IKBKB: variants seen among roughly 807,000 people sequenced by gnomAD.
IKBKB encodes the protein inhibitor of nuclear factor kappa B kinase subunit beta.
IKBKB carries 42 observed loss-of-function variants against 113.6 expected under a neutral mutation model. The ratio of observed to expected loss-of-function variants is 0.37; its 90% CI spans 0.29 to 0.48. IKBKB has a LOEUF of 0.48. IKBKB is among the 20% of genes least tolerant of loss of function. The probability of loss-of-function intolerance (pLI) is 0.99; values close to 1 mark genes in which losing one functional copy is unlikely to be tolerated. For missense variants in IKBKB, 673 were observed against 939.7 expected, an observed-to-expected ratio of 0.72 and a Z score of 3.71; for synonymous variants, 296 against 361.3, an observed-to-expected ratio of 0.82 and a Z score of 2.05.
intron 19 of IKBKB, 135 bp from the exon 20 acceptor site, chr8:42,325,835 G>A: frequency 6.7e-7 from 1 of 1,492,072 alleles, no homozygotes; most frequent in South Asian, 1.4e-5. Context: ...GCAGGTGGGG[G>A]TGCCAACTGG....
chr8:42,314,162 G>A, intron 8 of IKBKB, 160 bp from the exon 9 acceptor site: 1 of 647,126 alleles, frequency 1.5e-6, no homozygotes, highest in Admixed American at 2.3e-5. Context: ...TAGCCTAGGA[G>A]CAATAGGGTG....
chr8:42,292,715 A>G (rs1001868193), intron 4 of IKBKB, among the ~76,000 whole-genome samples: 1 of 152,174 alleles, frequency 6.6e-6, no homozygotes, highest in Non-Finnish European at 1.5e-5. Context: ...AGCAGCACAC[A>G]GAGCCTCTTG....
At chr8:42,280,092 C>G (rs1007912231) in intron 2 of IKBKB, among the ~76,000 whole-genome samples, 8 of 152,212 alleles carry the variant, frequency 5.3e-5, no homozygotes, top group African/African-American at 1.9e-4. Context: ...AAGCAGTCCT[C>G]CTGCCTTGGC....
rs200076532 is a variant in IKBKB at position 42,317,823 on chromosome 8, G to A, written c.1240+52G>A. On this transcript the variant is annotated intron_variant, in intron 12 of 21. Coordinates refer to ENST00000520810, the MANE Select transcript of IKBKB (RefSeq NM_001556.3). The stretch of plus-strand genomic sequence containing the variant: ...CTAAATAATCCGTTATAATATGTGG[G>A]ACAAGGCAGGGAAGGGAGACTGGAC... The A allele has an allele frequency of 2.3e-4, 307 of 1,324,712 alleles. 2 individuals carry two copies. Among genetic ancestry groups the A allele is most frequent in the Middle Eastern group, 1.8e-4 (1 of 5,524 alleles). The allele number at this position is 1,324,712 out of a possible 1,614,324, so 82.1% of individuals were successfully genotyped here. A position where few individuals can be genotyped will look rare whatever the true frequency, so the allele number is the denominator to read the frequency against.
intron 2 of IKBKB, among the ~76,000 whole-genome samples, chr8:42,278,887 A>C (rs1386436083): frequency 1.3e-5 from 2 of 152,108 alleles, no homozygotes; most frequent in Admixed American, 6.6e-5. Flanking sequence ...CCAACTACTC[A>C]GGAGGCTGAG....
At chr8:42,330,058 G>A (rs1396868112) in intron 21 of IKBKB, 1 of 985,258 alleles carries the variant, frequency 1.0e-6, no homozygotes, top group Non-Finnish European at 1.2e-6. Flanking sequence ...TCAGTTCATT[G>A]CTTACTTGCA....
chr8:42,292,886 G>A (rs550081721), intron 4 of IKBKB, among the ~76,000 whole-genome samples: 219 of 152,282 alleles, frequency 1.4e-3, no homozygotes, highest in African/African-American at 4.7e-3. Context: ...GATTCCACCC[G>A]TACTTACTCA....
chr8:42,307,606 G>A (rs897686632), intron 7 of IKBKB, among the ~76,000 whole-genome samples: 8 of 152,168 alleles, frequency 5.3e-5, no homozygotes, highest in African/African-American at 7.2e-5. Context: ...ACAATTGGGA[G>A]TGACTCAAGG....
rs1027255460 is a variant in IKBKB, at chr8:42,309,033, G to T, written c.692+8G>T. The stretch of plus-strand genomic sequence containing the variant: ...CTGGCAGCCCGTGCAGTGGTGAGTG[G>T]GCCCGGGGCACCTGGATGGAGGAGG... On this transcript the variant is annotated splice_region_variant and intron_variant, in intron 8 of 21. Coordinates refer to ENST00000520810, the MANE Select transcript of IKBKB (RefSeq NM_001556.3). 2.5e-6 allele frequency: 4 copies of T among 1,612,236 alleles called. No homozygotes were observed. Among genetic ancestry groups the T allele is most frequent in the Non-Finnish European group, 3.4e-6 (4 of 1,179,064 alleles).
chr8:42,332,175 T>G lies in IKBKB; in HGVS notation c.*1196T>G, dbSNP rs1821745602. The stretch of plus-strand genomic sequence containing the variant: ...GGAGAAGAAAGTTGGAGTAGGAGAC[T>G]TTCACAAGTGGTTTCCATGGAGATA... On this transcript the variant is annotated 3_prime_UTR_variant, in exon 22 of 22. Transcript: ENST00000520810. 6.6e-6 allele frequency: 1 copy of G among 152,274 alleles called. No homozygotes were observed. The highest frequency in any genetic ancestry group is 1.5e-5 in the Non-Finnish European group (1 of 68,090). 9.4% of individuals were successfully genotyped at this position (152,274 alleles called of 1,614,324 possible). A position where few individuals can be genotyped will look rare whatever the true frequency, so the allele number is the denominator to read the frequency against.
intron 19 of IKBKB, among the ~76,000 whole-genome samples, chr8:42,323,072 T>G (rs1394034371): frequency 6.6e-6 from 1 of 152,202 alleles, no homozygotes; most frequent in Non-Finnish European, 1.5e-5. Flanking sequence ...GTGACTCCAG[T>G]CTCTGTCTCT....
intron 2 of IKBKB, among the ~76,000 whole-genome samples, chr8:42,281,444 C>T (rs148003465): frequency 0.019 from 2,898 of 152,274 alleles, 47 homozygotes; most frequent in Non-Finnish European, 0.03. Context: ...CTTTACCAGG[C>T]GGTGGGGGAG....
chr8:42,277,033 A>AT (rs1341745427), intron 2 of IKBKB, among the ~76,000 whole-genome samples: 64 of 139,900 alleles, frequency 4.6e-4, no homozygotes, highest in African/African-American at 1.3e-3. Flanking sequence ...CCCCCGACTA[A>AT]TTTTTTTTTT....
Position 42,326,032 on chromosome 8 carries a change from G to A in IKBKB, c.2049G>A (p.Gln683=). ...GCATGAATGCCTCTCGACTTAGCCA[G>A]CCTGGGCAGCTGATGTCTCAGCCCT... ...PDSMNASRLS[Q]PGQLMSQPST... The change falls in exon 20 of 22, where the codon CAG becomes CAA. Residue 683 remains glutamine, a synonymous_variant. Coordinates refer to ENST00000520810, the MANE Select transcript of IKBKB (RefSeq NM_001556.3). 1 of 1,614,248 alleles carries A rather than the reference G, an allele frequency of 6.2e-7. No individual in the cohort carries two copies. The highest frequency in any genetic ancestry group is 8.5e-7 in the Non-Finnish European group (1 of 1,180,040).
chr8:42,277,501 T>A (rs936797918), intron 2 of IKBKB, among the ~76,000 whole-genome samples: 2 of 152,048 alleles, frequency 1.3e-5, no homozygotes, highest in African/African-American at 4.8e-5. Context: ...TATTTATTTT[T>A]AAAAAGCCAA....
intron 6 of IKBKB, among the ~76,000 whole-genome samples, chr8:42,305,612 G>A (rs1409845208): frequency 1.3e-5 from 2 of 152,136 alleles, no homozygotes; most frequent in East Asian, 1.9e-4. Flanking sequence ...CTCGCCTCTC[G>A]ACTCTAAATG....
chr8:42,291,242 C>T (rs1043174269), intron 4 of IKBKB, among the ~76,000 whole-genome samples: 11 of 152,180 alleles, frequency 7.2e-5, no homozygotes, highest in African/African-American at 1.9e-4. Context: ...AGTGCAGTGG[C>T]GTGATCTCGG....
At chr8:42,324,170 G>A (rs1284005285) in intron 19 of IKBKB, among the ~76,000 whole-genome samples, 1 of 152,226 alleles carries the variant, frequency 6.6e-6, no homozygotes, top group Non-Finnish European at 1.5e-5. Context: ...GAGTCAGTGT[G>A]TTCTGAGTGG....
rs1232908443 is a variant in IKBKB at position 42,272,255 on chromosome 8, T to G, written c.105+50T>G. ...AGGGGCGGGGAGCCAGGCCCCCTCC[T>G]CACTGCCTCCACTTTCTCTGATCCT... is the stretch of plus-strand genomic sequence containing the variant. On this transcript the variant is annotated intron_variant, in intron 2 of 21. Coordinates refer to ENST00000520810, the MANE Select transcript of IKBKB (RefSeq NM_001556.3). The G allele has an allele frequency of 3.1e-6, 5 of 1,612,596 alleles. No individual in the cohort carries two copies. In the African/African-American group the frequency reaches 4.0e-5, roughly 13 times the overall value.
Sources: gnomAD v4.1 joint callset for allele counts (sites outside exome capture counted in the v4.1 genomes callset) on GRCh38, gnomAD v4.1.1 for gene constraint, MANE v1.5 for transcripts, NCBI Gene and HGNC (gene_info 2026-07-23, HGNC 2026-07-21) for gene names.